EPHB1: variants seen among roughly 807,000 people sequenced by gnomAD.
EPHB1 encodes ephrin type-B receptor 1.
A neutral mutation model predicts 94.4 loss-of-function variants in EPHB1; 30 were observed. The observed-to-expected ratio is 0.32, with a 90% CI of 0.24 to 0.43. The LOEUF (loss-of-function observed/expected upper bound fraction) is 0.43, where lower values mean the gene tolerates loss of function less well. Among genes scored for constraint, EPHB1 ranks in the 20% least tolerant of loss-of-function variants. The pLI, the probability that EPHB1 is intolerant of heterozygous loss-of-function variation, is 1.00. For synonymous variants in EPHB1, 522 were observed against 489.1 expected (o/e 1.07, Z -0.89); for missense variants, 1,055 against 1,308.3 (o/e 0.81, Z 2.99).
At chr3:134,862,917 C>A (rs1022475774) in intron 1 of EPHB1, among the ~76,000 whole-genome samples, 24 of 152,234 alleles carry the variant, frequency 1.6e-4, no homozygotes, top group African/African-American at 5.5e-4. Flanking sequence ...GAATGTGTGC[C>A]ACACTGGTGC....
chr3:135,154,912 AG>A (rs1460575610), intron 6 of EPHB1, among the ~76,000 whole-genome samples: 1 of 152,226 alleles, frequency 6.6e-6, no homozygotes, highest in Non-Finnish European at 1.5e-5. Flanking sequence ...CCCTCTTACC[AG>A]GGCAAAATGC....
intron 5 of EPHB1, among the ~76,000 whole-genome samples, chr3:135,153,004 C>G (rs1941240010): frequency 6.6e-6 from 1 of 152,158 alleles, no homozygotes; most frequent in Non-Finnish European, 1.5e-5. Flanking sequence ...GGACTAGCAG[C>G]ATCTTCAGAA....
chr3:135,115,519 A>G (rs1442080713), intron 4 of EPHB1, among the ~76,000 whole-genome samples: 4 of 151,928 alleles, frequency 2.6e-5, no homozygotes, highest in Non-Finnish European at 4.4e-5. Context: ...CTATTCTGGT[A>G]CCAGAATCAT....
chr3:134,870,594 G>T (rs1350635577), intron 1 of EPHB1, among the ~76,000 whole-genome samples: 1 of 152,198 alleles, frequency 6.6e-6, no homozygotes, highest in Non-Finnish European at 1.5e-5. Flanking sequence ...CACCATGAAC[G>T]CTGGCGTTAT....
chr3:135,258,825 G>C (rs1933526597), intron 15 of EPHB1, among the ~76,000 whole-genome samples, 187 bp from the exon 16 acceptor site: 1 of 152,184 alleles, frequency 6.6e-6, no homozygotes, highest in African/African-American at 2.4e-5. Flanking sequence ...GGAAGCATTA[G>C]AGAAGAAGGA....
intron 12 of EPHB1, among the ~76,000 whole-genome samples, chr3:135,239,297 CT>C (rs1487057370): frequency 7.0e-6 from 1 of 143,268 alleles, no homozygotes; most frequent in Non-Finnish European, 1.5e-5. Flanking sequence ...TTTTTTTTTT[CT>C]GCCTAGCTCG....
At chr3:134,826,111 G>A (rs999107899) in intron 1 of EPHB1, among the ~76,000 whole-genome samples, 1 of 151,488 alleles carries the variant, frequency 6.6e-6, no homozygotes, top group African/African-American at 2.4e-5. Context: ...AATCAGCCGA[G>A]TGTGGTGAAG....
intron 12 of EPHB1, among the ~76,000 whole-genome samples, chr3:135,238,822 C>T (rs576287362): frequency 1.1e-4 from 16 of 152,238 alleles, no homozygotes; most frequent in African/African-American, 3.9e-4. Flanking sequence ...TTTGAGAAAA[C>T]CAAAGCCCCT....
At chr3:134,998,912 G>C (rs772744152) in intron 3 of EPHB1, among the ~76,000 whole-genome samples, 4 of 152,194 alleles carry the variant, frequency 2.6e-5, no homozygotes, top group Non-Finnish European at 5.9e-5. Flanking sequence ...TGAGGGACAT[G>C]ATGGCGACAG....
chr3:135,069,369 G>T (rs1937633076), intron 3 of EPHB1, among the ~76,000 whole-genome samples: 1 of 152,062 alleles, frequency 6.6e-6, no homozygotes, highest in Non-Finnish European at 1.5e-5. Context: ...CTACTCTTCT[G>T]TCAGGCTTAC....
intron 1 of EPHB1, among the ~76,000 whole-genome samples, chr3:134,840,859 C>G (rs546887663): frequency 1.3e-5 from 2 of 152,272 alleles, no homozygotes; most frequent in South Asian, 4.1e-4. Context: ...TGGGAAGCTT[C>G]CAGCACAGGG....
intron 5 of EPHB1, among the ~76,000 whole-genome samples, chr3:135,146,281 A>G (rs773726247): frequency 1.3e-5 from 2 of 152,248 alleles, no homozygotes; most frequent in Non-Finnish European, 2.9e-5. Flanking sequence ...GTGGTGAGCC[A>G]TTGAAGGTTT....
At chr3:135,100,450 T>C (rs1353008370) in intron 3 of EPHB1, among the ~76,000 whole-genome samples, 1 of 152,206 alleles carries the variant, frequency 6.6e-6, no homozygotes, top group East Asian at 1.9e-4. Flanking sequence ...GATTAGATGG[T>C]CCACTATCTC....
At chr3:134,928,160 G>A (rs981742270) in intron 2 of EPHB1, among the ~76,000 whole-genome samples, 2 of 152,174 alleles carry the variant, frequency 1.3e-5, no homozygotes, top group Non-Finnish European at 2.9e-5. Context: ...ACGCACACAC[G>A]TGCATTCTCT....
chr3:135,045,265 GA>G (rs1036747147), intron 3 of EPHB1, among the ~76,000 whole-genome samples: 5 of 151,216 alleles, frequency 3.3e-5, no homozygotes, highest in Admixed American at 1.3e-4. Context: ...ACCAGTCACT[GA>G]AAAAAAAGAA....
chr3:134,818,165 G>T (rs1272430885), intron 1 of EPHB1, among the ~76,000 whole-genome samples: 2 of 152,156 alleles, frequency 1.3e-5, no homozygotes, highest in Non-Finnish European at 2.9e-5. Flanking sequence ...TGATTGTAAG[G>T]CAATGACTGG....
chr3:134,949,729 A>AT (rs199734459), intron 2 of EPHB1, among the ~76,000 whole-genome samples: 7 of 151,898 alleles, frequency 4.6e-5, no homozygotes, highest in Middle Eastern at 3.4e-3. Flanking sequence ...TCTTTTCTCT[A>AT]TTTTTTTTAA....
intron 2 of EPHB1, among the ~76,000 whole-genome samples, chr3:134,947,320 A>AC (rs996025067): frequency 8.6e-5 from 13 of 150,814 alleles, no homozygotes; most frequent in African/African-American, 2.9e-4. Context: ...TCTTTCTTCG[A>AC]CCCCCCCAGT....
At chr3:135,061,985 C>T (rs1312954245) in intron 3 of EPHB1, among the ~76,000 whole-genome samples, 24 of 152,118 alleles carry the variant, frequency 1.6e-4, no homozygotes, top group Non-Finnish European at 1.5e-5. Context: ...ATTTTCTTAA[C>T]CCAGTCTATC....
Sources: allele counts gnomAD v4.1 joint callset (sites outside exome capture counted in the v4.1 genomes callset), GRCh38; gene constraint gnomAD v4.1.1; transcripts MANE v1.5; gene names NCBI Gene and HGNC (gene_info 2026-07-23, HGNC 2026-07-21).